The following SBF2 variants were observed in gnomAD, a reference collection of about 807,000 sequenced individuals.
SBF2 encodes SET binding factor 2.
A neutral mutation model predicts 225.2 loss-of-function variants in SBF2; 112 were observed. The observed-to-expected ratio is 0.50, with a 90% CI of 0.43 to 0.58. The LOEUF (loss-of-function observed/expected upper bound fraction) is 0.58. SBF2 is among the 20% of genes least tolerant of loss of function. SBF2 has a pLI of 0.00. For synonymous variants in SBF2, 763 were observed against 773.3 expected (o/e 0.99, Z 0.22); for missense variants, 1,996 against 2,206.2 (o/e 0.90, Z 1.91).
At chr11:9,944,575 A>C (rs1865458641) in intron 16 of SBF2, among the ~76,000 whole-genome samples, 1 of 152,194 alleles carries the variant, frequency 6.6e-6, no homozygotes, top group African/African-American at 2.4e-5. Context: ...CAAAAGAGTG[A>C]AATACCTAGG....
intron 16 of SBF2, among the ~76,000 whole-genome samples, chr11:9,938,011 G>A (rs1013869685): frequency 2.0e-5 from 3 of 151,330 alleles, no homozygotes; most frequent in Non-Finnish European, 4.4e-5. Context: ...AAATTTTCAG[G>A]GTCGGGCACG....
intron 25 of SBF2, among the ~76,000 whole-genome samples, chr11:9,841,524 C>T (rs1026715273): frequency 8.2e-6 from 1 of 121,464 alleles, no homozygotes; most frequent in Non-Finnish European, 1.7e-5. Flanking sequence ...CATACAAAAC[C>T]ACATAGGTTC....
intron 2 of SBF2, among the ~76,000 whole-genome samples, chr11:10,085,445 C>G (rs1237054419): frequency 6.6e-6 from 1 of 151,988 alleles, no homozygotes; most frequent in African/African-American, 2.4e-5. Flanking sequence ...ATTTCATGTA[C>G]TAATTTATGT....
At chr11:10,033,113 A>C (rs1291774500) in intron 3 of SBF2, among the ~76,000 whole-genome samples, 1 of 152,224 alleles carries the variant, frequency 6.6e-6, no homozygotes, top group Non-Finnish European at 1.5e-5. Context: ...GGTTTCTGGA[A>C]TCCTTAGAAA....
In SBF2 at chr11:9,832,433, A is replaced by G. The variant is rs555974631; in HGVS notation, c.3456-13T>C. On this transcript the variant is annotated splice_polypyrimidine_tract_variant and intron_variant, in intron 26 of 39. Transcript: ENST00000256190. The stretch of plus-strand genomic sequence containing the variant: ...AAGGCCAGGATAGCTTCAGAGACAT[A>G]GAATAGAGAAGAGAATGATTGGGGG... The G allele has an allele frequency of 2.5e-6, 4 of 1,592,782 alleles. No individual in the cohort carries two copies. The highest frequency in any genetic ancestry group is 3.4e-6 in the Non-Finnish European group (4 of 1,160,632).
chr11:10,133,089 T>A (rs984255672), intron 2 of SBF2, among the ~76,000 whole-genome samples: 1 of 146,992 alleles, frequency 6.8e-6, no homozygotes, highest in Non-Finnish European at 1.5e-5. Context: ...GGTTCTCCAC[T>A]TCCTCACCAG....
At chr11:9,928,178 C>T (rs1437772838) in intron 16 of SBF2, among the ~76,000 whole-genome samples, 1 of 152,072 alleles carries the variant, frequency 6.6e-6, no homozygotes, top group Non-Finnish European at 1.5e-5. Flanking sequence ...AAATATAAGA[C>T]AATATCTGAA....
At chr11:9,950,851 T>C (rs1469494080) in intron 16 of SBF2, among the ~76,000 whole-genome samples, 1 of 152,238 alleles carries the variant, frequency 6.6e-6, no homozygotes, top group African/African-American at 2.4e-5. Flanking sequence ...AGCAGCTACT[T>C]ACAACACATT....
chr11:9,935,261 C>G (rs1415220013), intron 16 of SBF2, among the ~76,000 whole-genome samples: 1 of 152,062 alleles, frequency 6.6e-6, no homozygotes, highest in African/African-American at 2.4e-5. Flanking sequence ...TGTGAAGGAC[C>G]TCTTCAAGAG....
At chr11:10,139,218 C>T (rs1243079766) in intron 2 of SBF2, among the ~76,000 whole-genome samples, 1 of 151,962 alleles carries the variant, frequency 6.6e-6, no homozygotes, top group East Asian at 1.9e-4. Flanking sequence ...ATTTATTTAG[C>T]CCATCAAAAA....
At chr11:9,950,076 G>A (rs1865772261) in intron 16 of SBF2, among the ~76,000 whole-genome samples, 6 of 151,982 alleles carry the variant, frequency 3.9e-5, no homozygotes, top group Admixed American at 3.9e-4. Context: ...ATAAGGAAGG[G>A]ACCTTGCAGG....
chr11:10,282,896 C>G (rs549361836), intron 1 of SBF2, among the ~76,000 whole-genome samples: 1 of 152,258 alleles, frequency 6.6e-6, no homozygotes, highest in African/African-American at 2.4e-5. Flanking sequence ...TCACAATTGT[C>G]AACCCACTCA....
At chr11:10,259,989 A>C (rs901661639) in intron 1 of SBF2, among the ~76,000 whole-genome samples, 1 of 152,080 alleles carries the variant, frequency 6.6e-6, no homozygotes, top group African/African-American at 2.4e-5. Context: ...TATTAATTTC[A>C]CTCCATATAT....
intron 1 of SBF2, among the ~76,000 whole-genome samples, chr11:10,251,009 TA>T (rs1565401129): frequency 6.6e-6 from 1 of 152,224 alleles, no homozygotes; most frequent in Non-Finnish European, 1.5e-5. Context: ...TATCTTCGAA[TA>T]TTTTTTCCTT....
intron 17 of SBF2, among the ~76,000 whole-genome samples, chr11:9,883,066 G>A (rs374990557): frequency 2.0e-5 from 3 of 152,078 alleles, no homozygotes; most frequent in South Asian, 4.2e-4. Context: ...CTCAGGAAGC[G>A]GAGGTTGCAG....
At chr11:9,965,032 A>C (rs1866810548) in intron 14 of SBF2, among the ~76,000 whole-genome samples, 1 of 151,642 alleles carries the variant, frequency 6.6e-6, no homozygotes, top group Non-Finnish European at 1.5e-5. Flanking sequence ...CCACCCTCCC[A>C]GCCTTCTGAG....
At chr11:9,828,724 T>A in intron 28 of SBF2, 1 of 785,376 alleles carries the variant, frequency 1.3e-6, no homozygotes, top group Non-Finnish European at 1.5e-6. Context: ...TGCAGATATT[T>A]TGGGAATTTC....
intron 29 of SBF2, among the ~76,000 whole-genome samples, chr11:9,815,589 C>T (rs552717329): frequency 3.9e-5 from 6 of 152,234 alleles, no homozygotes; most frequent in South Asian, 4.1e-4. Context: ...GATCACATAG[C>T]TAATCTGAGA....
At chr11:10,208,011 A>T (rs1382878111) in intron 1 of SBF2, among the ~76,000 whole-genome samples, 1 of 152,140 alleles carries the variant, frequency 6.6e-6, no homozygotes, top group African/African-American at 2.4e-5. Flanking sequence ...CATGGTTGAT[A>T]AACTAATCTA....
Sources: allele counts gnomAD v4.1 joint callset (sites outside exome capture counted in the v4.1 genomes callset), GRCh38; gene constraint gnomAD v4.1.1; transcripts MANE v1.5; gene names NCBI Gene and HGNC (gene_info 2026-07-23, HGNC 2026-07-21).